The following DDX55 variants were observed in gnomAD, a reference collection of about 807,000 sequenced individuals.
The protein encoded by DDX55 is ATP-dependent RNA helicase DDX55.
DDX55 carries 56 observed loss-of-function variants against 69.2 expected under a neutral mutation model. The ratio of observed to expected loss-of-function variants is 0.81; its 90% CI spans 0.65 to 1.01. DDX55 has a LOEUF of 1.01. Ranked by LOEUF, DDX55 falls within the 50% of genes least tolerant of loss-of-function variation. The pLI, the probability that DDX55 is intolerant of heterozygous loss-of-function variation, is 0.00. For synonymous variants in DDX55, 268 were observed against 273.1 expected, an observed-to-expected ratio of 0.98 and a Z score of 0.18; for missense variants, 720 against 745.1, an observed-to-expected ratio of 0.97 and a Z score of 0.39.
Position 123,602,267 on chromosome 12 carries a change from C to G in DDX55, c.108+11C>G. ...ATGACGCCGGTGCAGGTATCGGTTCCCTGGCGTGGGGGAGTGAGGCTGGGA... is the reference window on the plus strand; with the variant it reads ...ATGACGCCGGTGCAGGTATCGGTTCGCTGGCGTGGGGGAGTGAGGCTGGGA... On this transcript the variant is annotated intron_variant, in intron 1 of 13. Coordinates refer to ENST00000238146, the MANE Select transcript of DDX55 (RefSeq NM_020936.3). 1 of 1,546,372 alleles carries G rather than the reference C, an allele frequency of 6.5e-7. No individual in the cohort carries two copies. The highest frequency in any genetic ancestry group is 8.7e-7 in the Non-Finnish European group (1 of 1,148,412).
chr12:123,602,339 A>G (rs576571826), intron 1 of DDX55, 83 bp downstream of exon 1: 250 of 1,287,578 alleles, frequency 1.9e-4, no homozygotes, highest in Middle Eastern at 4.7e-4. Flanking sequence ...GTGATCGGAC[A>G]GATCTGAGCC....
Position 123,615,275 on chromosome 12 carries a change from T to C in DDX55, c.915T>C (p.Tyr305=). 3 of 1,614,134 alleles carry C rather than the reference T, an allele frequency of 1.9e-6. No homozygotes were observed. Among genetic ancestry groups the C allele is most frequent in the Non-Finnish European group, 2.5e-6 (3 of 1,180,000 alleles). ...TGTGCATTCACGGAAAGATGAAATA[T>C]AAACGCAATAAGATCTTCATGGAGT... is the stretch of plus-strand genomic sequence containing the variant. ...KIMCIHGKMK[Y]KRNKIFMEFR... Residue 305 remains tyrosine (Y), a synonymous_variant, in exon 9 of 14, where the codon TAT becomes TAC. Coordinates refer to ENST00000238146, the MANE Select transcript of DDX55 (RefSeq NM_020936.3).
intron 9 of DDX55, among the ~76,000 whole-genome samples, chr12:123,615,662 A>T (rs1197101660): frequency 6.6e-6 from 1 of 152,178 alleles, no homozygotes; most frequent in Admixed American, 6.5e-5. Context: ...CAAGGAGCAA[A>T]TCCATTTGTC....
intron 7 of DDX55, among the ~76,000 whole-genome samples, chr12:123,610,769 G>T (rs571977897): frequency 6.6e-6 from 1 of 151,404 alleles, no homozygotes; most frequent in Non-Finnish European, 1.5e-5. Context: ...CCGCCACCAC[G>T]CCCGGCTAAT....
chr12:123,619,006 A>G (rs1166200734), intron 12 of DDX55, among the ~76,000 whole-genome samples, 169 bp downstream of exon 12: 1 of 152,138 alleles, frequency 6.6e-6, no homozygotes, highest in Admixed American at 6.5e-5. Flanking sequence ...TAAAAATGTA[A>G]TTTTTTTAAT....
At chr12:123,610,573 T>G (rs1954151351) in intron 7 of DDX55, among the ~76,000 whole-genome samples, 1 of 151,906 alleles carries the variant, frequency 6.6e-6, no homozygotes, top group African/African-American at 2.4e-5. Context: ...AAATGTTGTG[T>G]ATTTTTGACC....
Position 123,620,608 on chromosome 12 carries a change from ATATATATATATATATATAT to A in DDX55, c.*469_*487del, listed in dbSNP as rs1566211227. 2 of 76,584 alleles carry A rather than the reference ATATATATATATATATATAT, an allele frequency of 2.6e-5. No homozygotes were observed. Among genetic ancestry groups the A allele is most frequent in the African/African-American group, 4.1e-5 (1 of 24,678 alleles). 4.7% of individuals were successfully genotyped at this position (76,584 alleles called of 1,614,324 possible). ...TATATATATATATATATATATATAT[ATATATATATATATATATAT>A]AAGCTCTTTTTTCTGAGGCTATTTT... On this transcript the variant is annotated 3_prime_UTR_variant, in exon 14 of 14. Transcript: ENST00000238146.
At chr12:123,607,980 G>T in intron 5 of DDX55, 1 of 400,844 alleles carries the variant, frequency 2.5e-6, no homozygotes, top group Non-Finnish European at 4.6e-6. Context: ...GTAGTTGCCT[G>T]GGAGGACTCG....
intron 1 of DDX55, among the ~76,000 whole-genome samples, chr12:123,603,585 T>G (rs1953703267): frequency 6.6e-6 from 1 of 151,686 alleles, no homozygotes; most frequent in Non-Finnish European, 1.5e-5. Flanking sequence ...AGATACGGGG[T>G]TTCACCATCT....
intron 7 of DDX55, 139 bp downstream of exon 7, chr12:123,610,267 G>T: frequency 9.2e-7 from 1 of 1,088,790 alleles, no homozygotes. Flanking sequence ...AGGGCAAATG[G>T]CCTGAGTGGT....
rs1012042212 is a variant in DDX55, at chr12:123,619,837, G to A, written c.1626+113G>A. 5 of 1,518,440 alleles carry A rather than the reference G, an allele frequency of 3.3e-6. No individual in the cohort carries two copies. In the East Asian group the frequency reaches 6.8e-5, roughly 21 times the overall value. 94.1% of individuals were successfully genotyped at this position (1,518,440 alleles called of 1,614,324 possible). A position where few individuals can be genotyped will look rare whatever the true frequency, so the allele number is the denominator to read the frequency against. On this transcript the variant is annotated intron_variant, in intron 13 of 13. Coordinates refer to ENST00000238146, the MANE Select transcript of DDX55 (RefSeq NM_020936.3). ...AGATTTCTGTTACGTTGGCGACCAG[G>A]GTGGGGAATTTGCTCTATTTGCAGA... is the stretch of plus-strand genomic sequence containing the variant.
chr12:123,606,029 T>C, intron 2 of DDX55, 44 bp from the exon 3 acceptor site: 1 of 1,605,398 alleles, frequency 6.2e-7, no homozygotes, highest in Non-Finnish European at 8.5e-7. Flanking sequence ...CTCCCTCAGA[T>C]GAACTCTGAG....
chr12:123,618,732 A>G lies in DDX55; in HGVS notation c.1228A>G (p.Met410Val), dbSNP rs775360332. ...TADLLPKLKS[M>V]ALADRAVFEK... Reference sequence around the variant, plus strand: ...GGACCTTCTGCCAAAACTCAAGTCCATGGCCCTGGCTGACAGAGCTGTGTT... The same window carrying G: ...GGACCTTCTGCCAAAACTCAAGTCCGTGGCCCTGGCTGACAGAGCTGTGTT... The change falls in exon 12 of 14, where the codon ATG becomes GTG. Residue 410 changes from methionine to valine, a missense_variant. Coordinates refer to ENST00000238146, the MANE Select transcript of DDX55 (RefSeq NM_020936.3). The G allele has an allele frequency of 1.4e-5, 22 of 1,614,196 alleles. No homozygotes were observed. In the South Asian group the frequency reaches 1.5e-4, roughly 11 times the overall value.
rs1226444824 is a variant in DDX55, at chr12:123,607,752, C to T, written c.401+90C>T. The T allele has an allele frequency of 5.1e-6, 8 of 1,576,520 alleles. No individual in the cohort carries two copies. In the East Asian group the frequency reaches 9.0e-5, roughly 18 times the overall value. Reference sequence around the variant, plus strand: ...GTGATCTCAGCCTAACTGTGGGTCCCCCTTTCAGCAGCCTCCTCCCCCTGC... The same window carrying T: ...GTGATCTCAGCCTAACTGTGGGTCCTCCTTTCAGCAGCCTCCTCCCCCTGC... On this transcript the variant is annotated intron_variant, in intron 5 of 13. Coordinates refer to ENST00000238146, the MANE Select transcript of DDX55 (RefSeq NM_020936.3).
Position 123,606,105 on chromosome 12 carries a change from C to A in DDX55, c.192C>A (p.Val64=), listed in dbSNP as rs1276811909. ...VTGSGKTLAF[V]IPILEILLRR... Reference sequence around the variant, plus strand: ...GTAGTGGCAAAACACTCGCTTTTGTCATCCCCATCCTGGAAATTCTTCTGA... The same window carrying A: ...GTAGTGGCAAAACACTCGCTTTTGTAATCCCCATCCTGGAAATTCTTCTGA... The change falls in exon 3 of 14, where the codon GTC becomes GTA. Residue 64 remains valine, a synonymous_variant. Coordinates refer to ENST00000238146, the MANE Select transcript of DDX55 (RefSeq NM_020936.3). 26 of 1,614,012 alleles carry A rather than the reference C, an allele frequency of 1.6e-5. No homozygotes were observed. Among genetic ancestry groups the A allele is most frequent in the Non-Finnish European group, 2.1e-5 (25 of 1,180,038 alleles).
chr12:123,610,046 C>T lies in DDX55; in HGVS notation c.659C>T (p.Pro220Leu). The change falls in exon 7 of 14, where the codon CCT becomes CTT. Residue 220 changes from proline to leucine, a missense_variant. Coordinates refer to ENST00000238146, the MANE Select transcript of DDX55 (RefSeq NM_020936.3). ...ENLVRAGLRN[P>L]VRVSVKEKGV... ...CTGGTGAGAGCGGGCCTCCGGAACC[C>T]TGTCCGGGTCTCAGTGAAGGAGAAG... 6.2e-7 allele frequency: 1 copy of T among 1,614,150 alleles called. No homozygotes were observed. Among genetic ancestry groups the T allele is most frequent in the Non-Finnish European group, 8.5e-7 (1 of 1,180,032 alleles).
chr12:123,619,071 C>T (rs550715956), intron 12 of DDX55, among the ~76,000 whole-genome samples: 1 of 152,380 alleles, frequency 6.6e-6, no homozygotes, highest in African/African-American at 2.4e-5. Flanking sequence ...GGCGCGATCT[C>T]GGCTCACTGT....
Position 123,620,088 on chromosome 12 carries a change from G to C in DDX55, c.1751G>C (p.Arg584Thr). Residue 584 changes from arginine (R) to threonine (T), a missense_variant, in exon 14 of 14, where the codon AGA (arginine) becomes ACA (threonine). Physicochemically the swap from Arg to Thr is moderately conservative, Grantham distance 71. Coordinates refer to ENST00000238146, the MANE Select transcript of DDX55 (RefSeq NM_020936.3). ...AAGGGCTTGTTGACAACTGGCAAAA[G>C]AACAATCAAGACAGTGGATTTAGGG... ...FEKGLLTTGKRTIKTVDLGIS... is the reference protein window; with the variant it reads ...FEKGLLTTGKTTIKTVDLGIS... The C allele has an allele frequency of 6.2e-7, 1 of 1,614,144 alleles. No individual in the cohort carries two copies. The highest frequency in any genetic ancestry group is 8.5e-7 in the Non-Finnish European group (1 of 1,180,024).
At chr12:123,612,446 T>C (rs1954316103) in intron 7 of DDX55, among the ~76,000 whole-genome samples, 1 of 152,122 alleles carries the variant, frequency 6.6e-6, no homozygotes, top group South Asian at 2.1e-4. Flanking sequence ...ATTTGGGAGT[T>C]TGAATGGAGG....
Sources: gnomAD v4.1 joint callset for allele counts (sites outside exome capture counted in the v4.1 genomes callset) on GRCh38, gnomAD v4.1.1 for gene constraint, MANE v1.5 for transcripts, NCBI Gene and HGNC (gene_info 2026-07-23, HGNC 2026-07-21) for gene names.